The following HINFP variants were observed in gnomAD, a reference collection of about 807,000 sequenced individuals.
The protein encoded by HINFP is MBD2 (methyl-CpG-binding protein)-interacting zinc finger protein.
Under a neutral mutation model 50.1 loss-of-function variants are expected in HINFP, and 20 were observed. That is an observed-to-expected ratio of 0.40 (90% CI 0.28 to 0.58). The LOEUF is 0.58. Among genes scored for constraint, HINFP ranks in the 20% least tolerant of loss-of-function variants. The pLI is 0.45. For synonymous variants in HINFP, 247 were observed against 243.7 expected, an observed-to-expected ratio of 1.01 and a Z score of -0.13; for missense variants, 505 against 664.1, an observed-to-expected ratio of 0.76 and a Z score of 2.63.
intron 9 of HINFP, chr11:119,133,452 GC>G: frequency 2.1e-6 from 1 of 465,216 alleles, no homozygotes; most frequent in Non-Finnish European, 3.9e-6. Context: ...GGTGGCACAT[GC>G]CTGTAGTCCC....
At position 119,131,724 on chromosome 11, in the gene HINFP, G is replaced by C; in HGVS notation, c.523+78G>C. ...AGAGCTGGGACAGAAAGGGATAGGG[G>C]TCCTACAGGGGCAAGGTTGACTGCC... On this transcript the variant is annotated intron_variant, in intron 4 of 9. Coordinates refer to ENST00000350777, the MANE Select transcript of HINFP (RefSeq NM_198971.3). This position sits in a 1 kb window ranked among gnomAD's most constrained non-coding sequence, Gnocchi z 4.2. The C allele has an allele frequency of 6.3e-7, 1 of 1,584,866 alleles. No homozygotes were observed. The highest frequency in any genetic ancestry group is 8.7e-7 in the Non-Finnish European group (1 of 1,154,318).
Position 119,132,788 on chromosome 11 carries a change from G to A in HINFP, c.875+7G>A. 6.2e-7 allele frequency: 1 copy of A among 1,613,478 alleles called. No homozygotes were observed. Among genetic ancestry groups the A allele is most frequent in the East Asian group, 2.2e-5 (1 of 44,868 alleles). ...GTGACTGTTGTGACTACAGGTAAGG[G>A]GGACCAGGGACCAGAAAACAGCTCA... On this transcript the variant is annotated splice_region_variant and intron_variant, in intron 7 of 9. Coordinates refer to ENST00000350777, the MANE Select transcript of HINFP (RefSeq NM_198971.3).
chr11:119,133,319 G>A lies in HINFP; in HGVS notation c.1139+100G>A, dbSNP rs1281910136. 2.7e-5 allele frequency: 39 copies of A among 1,447,652 alleles called. No individual in the cohort carries two copies. The South Asian group carries it at 3.2e-4, about 12-fold the overall frequency. The allele number at this position is 1,447,652 out of a possible 1,614,324, so 89.7% of individuals were successfully genotyped here. A position where few individuals can be genotyped will look rare whatever the true frequency, so the allele number is the denominator to read the frequency against. On this transcript the variant is annotated intron_variant, in intron 9 of 9. Coordinates refer to ENST00000350777, the MANE Select transcript of HINFP (RefSeq NM_198971.3). ...ATTTGGGTCGGGCGCGGTGGCTCAC[G>A]CCTGTAATCCCAGCACTTTGGGAGG... is the stretch of plus-strand genomic sequence containing the variant.
chr11:119,133,844 C>G, intron 9 of HINFP: 1 of 594,480 alleles, frequency 1.7e-6, no homozygotes, highest in Non-Finnish European at 3.0e-6. Flanking sequence ...CCAACACAGT[C>G]AGTCAGTCTC....
chr11:119,128,892 G>A (rs999861373), intron 2 of HINFP, among the ~76,000 whole-genome samples: 11 of 150,880 alleles, frequency 7.3e-5, no homozygotes, highest in East Asian at 2.0e-4. Flanking sequence ...TAGTAGAGAC[G>A]GGGTTTCACT....
chr11:119,128,335 C>G (rs925533741), intron 2 of HINFP, among the ~76,000 whole-genome samples: 2 of 151,684 alleles, frequency 1.3e-5, no homozygotes, highest in African/African-American at 2.4e-5. Context: ...GATGGAGTCT[C>G]ATTCTTGTTG....
At chr11:119,122,035 C>G (rs905220746) in intron 1 of HINFP, 7 of 152,212 alleles carry the variant, frequency 4.6e-5, no homozygotes, top group African/African-American at 1.7e-4. Context: ...CGGTCGTTGT[C>G]TTCACGTATC....
chr11:119,127,804 T>C (rs1947501467), intron 2 of HINFP, among the ~76,000 whole-genome samples: 1 of 151,970 alleles, frequency 6.6e-6, no homozygotes, highest in Non-Finnish European at 1.5e-5. Context: ...GCCTCCTAAG[T>C]AGCTGGGACT....
At chr11:119,122,574 A>G (rs2135004240) in intron 1 of HINFP, among the ~76,000 whole-genome samples, 1 of 152,334 alleles carries the variant, frequency 6.6e-6, no homozygotes, top group East Asian at 1.9e-4. Flanking sequence ...GCTTCCCGGA[A>G]TGTGATTATC....
Position 119,132,998 on chromosome 11 carries a change from A to G in HINFP, c.1010A>G (p.His337Arg). ...CSIKSHYRKV[H>R]EGDSEPRYKC... is the part of the protein sequence containing the mutation. ...ATCAAGTCCCATTACCGCAAAGTACATGAAGTGAGTGGGGCTGGTGTTGGG... is the reference window on the plus strand; with the variant it reads ...ATCAAGTCCCATTACCGCAAAGTACGTGAAGTGAGTGGGGCTGGTGTTGGG... The change falls in exon 8 of 10, where the codon CAT becomes CGT. Residue 337 changes from histidine to arginine, a missense_variant. Transcript: ENST00000350777. 6.2e-7 allele frequency: 1 copy of G among 1,614,232 alleles called. No individual in the cohort carries two copies. Among genetic ancestry groups the G allele is most frequent in the Non-Finnish European group, 8.5e-7 (1 of 1,180,038 alleles).
Position 119,135,251 on chromosome 11 carries a change from C to T in HINFP, c.*753C>T, listed in dbSNP as rs529426386. On this transcript the variant is annotated 3_prime_UTR_variant, in exon 10 of 10. Transcript: ENST00000350777. ...CTATTCTCAGAGCGTATGCCATTTC[C>T]ATGGAGGTCCCAGGTGTTTGGCTGT... 8 of 152,370 alleles carry T rather than the reference C, an allele frequency of 5.3e-5. No homozygotes were observed. The highest frequency in any genetic ancestry group is 1.7e-4 in the African/African-American group (7 of 41,530). The allele number at this position is 152,370 out of a possible 1,614,324, so 9.4% of individuals were successfully genotyped here. A position where few individuals can be genotyped will look rare whatever the true frequency, so the allele number is the denominator to read the frequency against.
chr11:119,134,036 G>A lies in HINFP; in HGVS notation c.1140-48G>A, dbSNP rs1166046243. ...TACTTTGCCAGCCTCGGCCATTTCTGTATCCCCCTGCCTGGGTTTGCTGCC... is the reference window on the plus strand; with the variant it reads ...TACTTTGCCAGCCTCGGCCATTTCTATATCCCCCTGCCTGGGTTTGCTGCC... On this transcript the variant is annotated intron_variant, in intron 9 of 9. Transcript: ENST00000350777. The surrounding 1 kb of genome is among the most constrained non-coding windows in gnomAD (Gnocchi z 4.3). 3.1e-6 allele frequency: 5 copies of A among 1,611,552 alleles called. No homozygotes were observed. The highest frequency in any genetic ancestry group is 4.2e-6 in the Non-Finnish European group (5 of 1,178,024).
At chr11:119,129,408 G>T (rs1947619177) in intron 2 of HINFP, among the ~76,000 whole-genome samples, 1 of 151,846 alleles carries the variant, frequency 6.6e-6, no homozygotes, top group Admixed American at 6.6e-5. Context: ...TTGGCCTCAA[G>T]TGATCCTCCT....
chr11:119,131,546 C>A lies in HINFP; in HGVS notation c.423C>A (p.Asp141Glu). 5 of 1,613,796 alleles carry A rather than the reference C, an allele frequency of 3.1e-6. No individual in the cohort carries two copies. Among genetic ancestry groups the A allele is most frequent in the Non-Finnish European group, 4.2e-6 (5 of 1,179,684 alleles). Reference sequence around the variant, plus strand: ...TGCCCCTGGCACAGAATTCCTTCGACAATCCTGAGTGGTTTTATCGGCATG... The same window carrying A: ...TGCCCCTGGCACAGAATTCCTTCGAAAATCCTGAGTGGTTTTATCGGCATG... ...CLWEHCENSF[D>E]NPEWFYRHVE... The change falls in exon 4 of 10, where the codon GAC (aspartate) becomes GAA (glutamate). Residue 141 changes from aspartate to glutamate, a missense_variant. Transcript: ENST00000350777. This position sits in a 1 kb window ranked among gnomAD's most constrained non-coding sequence, Gnocchi z 4.2.
chr11:119,132,932 A>AT lies in HINFP; in HGVS notation c.948dup (p.Glu317Ter). 1 of 1,614,214 alleles carries AT rather than the reference A, an allele frequency of 6.2e-7. No homozygotes were observed. Among genetic ancestry groups the AT allele is most frequent in the South Asian group, 1.1e-5 (1 of 91,084 alleles). ...AGCGAGGAGCCAGCCTACAGGTGTG[A>AT]TTTTGAGAACTGCACCTTCAGTGCC... On this transcript the variant is annotated frameshift_variant, in exon 8 of 10. Transcript: ENST00000350777. LOFTEE classifies it high-confidence loss of function.
In HINFP at chr11:119,130,875, C is replaced by T. The variant is rs768091481; in HGVS notation, c.332C>T (p.Pro111Leu). The change falls in exon 3 of 10, where the codon CCC becomes CTC. Residue 111 changes from proline (P) to leucine (L), a missense_variant. Physicochemically the swap from Pro to Leu is moderately conservative, Grantham distance 98. Coordinates refer to ENST00000350777, the MANE Select transcript of HINFP (RefSeq NM_198971.3). ...TTGCAAAGCCAGGCTGACCTTGGCC[C>T]CTGCATCCTGGACTTCCAGAGCCGG... is the stretch of plus-strand genomic sequence containing the variant. Reference protein sequence around the residue: ...QALQSQADLGPCILDFQSRNV... With the variant: ...QALQSQADLGLCILDFQSRNV... The T allele has an allele frequency of 3.1e-6, 5 of 1,614,070 alleles. No homozygotes were observed. In the Admixed American group the frequency reaches 8.3e-5, roughly 27 times the overall value.
rs766557387 is a variant in HINFP at position 119,130,734 on chromosome 11, TCTC to T, written c.194_196del (p.Ser65del). 29 of 1,614,020 alleles carry T rather than the reference TCTC, an allele frequency of 1.8e-5. No homozygotes were observed. Among genetic ancestry groups the T allele is most frequent in the Admixed American group, 3.3e-5 (2 of 60,028 alleles). Reference sequence around the variant, plus strand: ...AAACCCCTTTCTACAGAGGAAGAATTCTCCTGCTTGTGGCAGGAATGTGGCTTT... The same window carrying T: ...AAACCCCTTTCTACAGAGGAAGAATTCTGCTTGTGGCAGGAATGTGGCTTT... On this transcript the variant is annotated inframe_deletion, in exon 3 of 10. Transcript: ENST00000350777.
intron 1 of HINFP, among the ~76,000 whole-genome samples, chr11:119,122,421 A>G (rs1947121879): frequency 6.6e-6 from 1 of 152,236 alleles, no homozygotes; most frequent in South Asian, 2.1e-4. Context: ...GAAGCTTCTT[A>G]TAGTCCAATT....
At chr11:119,128,950 A>T (rs1386715823) in intron 2 of HINFP, among the ~76,000 whole-genome samples, 1 of 152,098 alleles carries the variant, frequency 6.6e-6, no homozygotes, top group African/African-American at 2.4e-5. Context: ...CATTTTACAA[A>T]TAAGGAAACG....
Sources: allele counts gnomAD v4.1 joint callset (sites outside exome capture counted in the v4.1 genomes callset), GRCh38; gene constraint gnomAD v4.1.1; non-coding constraint Gnocchi (gnomAD v3.1); transcripts MANE v1.5; gene names NCBI Gene and HGNC (gene_info 2026-07-23, HGNC 2026-07-21).